Variants in TG observed in about 807,000 individuals in gnomAD.
TG encodes thyroglobulin.
A neutral mutation model predicts 324.7 loss-of-function variants in TG; 270 were observed. The observed-to-expected ratio is 0.83, with a 90% CI of 0.75 to 0.92. The LOEUF is 0.92. Ranked by LOEUF, TG falls within the 40% of genes least tolerant of loss-of-function variation. The pLI is 0.00. For missense variants in TG, 3,591 were observed against 3,456.4 expected, an observed-to-expected ratio of 1.04 and a Z score of -0.98; for synonymous variants, 1,401 against 1,327.0, an observed-to-expected ratio of 1.06 and a Z score of -1.21.
intron 27 of TG, among the ~76,000 whole-genome samples, chr8:132,950,612 C>G (rs1459509657): frequency 1.3e-5 from 2 of 152,212 alleles, no homozygotes; most frequent in Non-Finnish European, 2.9e-5. Context: ...GCAGTGCAGT[C>G]AGCAGCGTGC....
intron 34 of TG, among the ~76,000 whole-genome samples, chr8:132,974,178 G>C (rs1230428621): frequency 6.6e-6 from 1 of 151,956 alleles, no homozygotes; most frequent in South Asian, 2.1e-4. Context: ...ATTTTCAGTA[G>C]AGATGGGATT....
intron 41 of TG, among the ~76,000 whole-genome samples, chr8:133,088,765 A>G (rs947742052): frequency 1.3e-5 from 2 of 152,178 alleles, no homozygotes; most frequent in Admixed American, 6.5e-5. Context: ...CTTTTTTCCT[A>G]TGCCCTAAGA....
intron 8 of TG, among the ~76,000 whole-genome samples, chr8:132,884,838 C>T (rs1815154447): frequency 1.3e-5 from 2 of 152,214 alleles, no homozygotes; most frequent in Admixed American, 6.5e-5. Flanking sequence ...AATTGAATTT[C>T]CTTGCTTTGG....
intron 35 of TG, among the ~76,000 whole-genome samples, chr8:132,985,911 G>A (rs887513040): frequency 6.6e-6 from 1 of 151,988 alleles, no homozygotes. Flanking sequence ...ATCTTTGTGG[G>A]TTTAGATGCT....
At chr8:132,960,629 T>C (rs1166557585) in intron 27 of TG, among the ~76,000 whole-genome samples, 1 of 152,220 alleles carries the variant, frequency 6.6e-6, no homozygotes, top group Non-Finnish European at 1.5e-5. Flanking sequence ...GCTGTCCACA[T>C]TTACCAATGA....
chr8:133,114,818 G>C (rs1196494125), intron 44 of TG, among the ~76,000 whole-genome samples: 1 of 152,220 alleles, frequency 6.6e-6, no homozygotes, highest in African/African-American at 2.4e-5. Context: ...TGGGCTGGAA[G>C]GTGTTAGAGA....
At chr8:133,024,358 C>G (rs1022404495) in intron 40 of TG, among the ~76,000 whole-genome samples, 1 of 126,206 alleles carries the variant, frequency 7.9e-6, no homozygotes, top group Non-Finnish European at 1.7e-5. Context: ...TTCTTTCTTT[C>G]TTTCTTTCTT....
intron 9 of TG, 114 bp downstream of exon 9, chr8:132,887,662 G>A: frequency 2.9e-6 from 4 of 1,398,140 alleles, no homozygotes; most frequent in South Asian, 1.2e-5. Flanking sequence ...CTTCAGTTAA[G>A]GACAAAATTG....
intron 35 of TG, among the ~76,000 whole-genome samples, chr8:132,984,375 A>G (rs186524837): frequency 6.6e-6 from 1 of 152,342 alleles, no homozygotes; most frequent in East Asian, 1.9e-4. Context: ...TGGAGAACAC[A>G]TTATATATAA....
At chr8:133,101,584 A>G (rs1334586076) in intron 43 of TG, among the ~76,000 whole-genome samples, 1 of 92,796 alleles carries the variant, frequency 1.1e-5, no homozygotes, top group African/African-American at 3.1e-5. Flanking sequence ...ATTGCAGTAA[A>G]TTGCCACATC....
In TG at chr8:132,887,056, C is replaced by G. The variant is rs770739054; in HGVS notation, c.1684C>G (p.Gln562Glu). 1 of 1,614,166 alleles carries G rather than the reference C, an allele frequency of 6.2e-7. No homozygotes were observed. The highest frequency in any genetic ancestry group is 1.7e-5 in the Admixed American group (1 of 60,020). The change falls in exon 9 of 48, where the codon CAA becomes GAA. Residue 562 changes from glutamine to glutamate, a missense_variant. Transcript: ENST00000220616. ...CTTTGAAATTAACCTACAAGAGAAC[C>G]AAAATGCCCTCAAATTCCTTGCTTC... ...FGFEINLQEN[Q>E]NALKFLASLL...
At chr8:133,127,295 G>A (rs1488074212) in intron 45 of TG, among the ~76,000 whole-genome samples, 1 of 152,126 alleles carries the variant, frequency 6.6e-6, no homozygotes, top group Non-Finnish European at 1.5e-5. Flanking sequence ...TCCTGATCCT[G>A]GAAGCTGAGA....
At chr8:132,982,815 G>C (rs1431052978) in intron 34 of TG, among the ~76,000 whole-genome samples, 2 of 152,338 alleles carry the variant, frequency 1.3e-5, no homozygotes, top group Non-Finnish European at 2.9e-5. Flanking sequence ...CACAGAGTCA[G>C]TAAGTGATAG....
At chr8:133,022,232 G>A in intron 40 of TG, 82 bp downstream of exon 40, 1 of 1,583,690 alleles carries the variant, frequency 6.3e-7, no homozygotes, top group Non-Finnish European at 8.7e-7. Context: ...TCCCCTCACT[G>A]CCCCTGCTCC....
At chr8:133,064,862 C>T (rs895208817) in intron 41 of TG, among the ~76,000 whole-genome samples, 7 of 152,290 alleles carry the variant, frequency 4.6e-5, no homozygotes, top group Admixed American at 2.6e-4. Flanking sequence ...GATGCCTGGC[C>T]TTGCTGCTGG....
intron 22 of TG, among the ~76,000 whole-genome samples, chr8:132,924,320 C>T (rs549534488): frequency 2.6e-5 from 4 of 152,266 alleles, no homozygotes; most frequent in South Asian, 4.1e-4. Context: ...CCTCCTGCTG[C>T]GTGGCCCAGT....
At chr8:132,905,088 A>G (rs1219602206) in intron 16 of TG, among the ~76,000 whole-genome samples, 1 of 152,192 alleles carries the variant, frequency 6.6e-6, no homozygotes, top group East Asian at 1.9e-4. Context: ...AAAGCTCTTA[A>G]TGGTGTACCT....
chr8:132,906,265 G>A (rs1818662867), intron 16 of TG, among the ~76,000 whole-genome samples: 1 of 152,130 alleles, frequency 6.6e-6, no homozygotes, highest in Non-Finnish European at 1.5e-5. Context: ...GCCACCAGGT[G>A]GCTGGCTTGG....
intron 5 of TG, among the ~76,000 whole-genome samples, chr8:132,877,342 T>C (rs1813961793): frequency 6.6e-6 from 1 of 152,080 alleles, no homozygotes. Flanking sequence ...GTTCACTATG[T>C]TGGTCAGGCT....
Sources: gnomAD v4.1 joint callset for allele counts (sites outside exome capture counted in the v4.1 genomes callset) on GRCh38, gnomAD v4.1.1 for gene constraint, MANE v1.5 for transcripts, NCBI Gene and HGNC (gene_info 2026-07-23, HGNC 2026-07-21) for gene names.